Variants in BRF1 observed in about 807,000 individuals in gnomAD.
The protein encoded by BRF1 is transcription factor IIIB 90 kDa subunit.
In BRF1, 59 loss-of-function variants were observed where a neutral mutation model predicts 81.7. The ratio of observed to expected loss-of-function variants is 0.72; its 90% CI spans 0.59 to 0.90. The LOEUF (loss-of-function observed/expected upper bound fraction) is 0.90, where lower values mean the gene tolerates loss of function less well. BRF1 is among the 40% of genes least tolerant of loss of function. BRF1 has a pLI of 0.00. For missense variants in BRF1, 1,050 were observed against 936.3 expected, an observed-to-expected ratio of 1.12 and a Z score of -1.58; for synonymous variants, 491 against 395.6, an observed-to-expected ratio of 1.24 and a Z score of -2.86.
chr14:105,217,908 GC>G, intron 14 of BRF1, 108 bp from the exon 15 acceptor site: 1 of 1,506,388 alleles, frequency 6.6e-7, no homozygotes, highest in Non-Finnish European at 8.9e-7. Context: ...CCTGGCTCAG[GC>G]CCTCAGAAGG....
chr14:105,216,780 A>G (rs977514729), intron 15 of BRF1, among the ~76,000 whole-genome samples: 3 of 152,218 alleles, frequency 2.0e-5, no homozygotes, highest in Non-Finnish European at 2.9e-5. Context: ...GATCCCAAGA[A>G]GCAGTAGGAC....
intron 3 of BRF1, among the ~76,000 whole-genome samples, chr14:105,262,977 A>T (rs1248754452): frequency 6.6e-6 from 1 of 151,842 alleles, no homozygotes; most frequent in Non-Finnish European, 1.5e-5. Context: ...ACGGTGGCTC[A>T]CGCCTGTAAT....
At chr14:105,266,872 C>T (rs1456659588) in intron 3 of BRF1, among the ~76,000 whole-genome samples, 2 of 152,030 alleles carry the variant, frequency 1.3e-5, no homozygotes, top group Non-Finnish European at 1.5e-5. Flanking sequence ...AGCAAAACCC[C>T]GTCGCCACAA....
chr14:105,217,484 A>ATGG, intron 15 of BRF1, 60 bp downstream of exon 15: 1 of 1,582,730 alleles, frequency 6.3e-7, no homozygotes, highest in Non-Finnish European at 8.6e-7. Flanking sequence ...ACCCGAAGCC[A>ATGG]TGGGCCTCTG....
chr14:105,249,429 G>C, intron 5 of BRF1: 12 of 1,607,086 alleles, frequency 7.5e-6, no homozygotes, highest in Non-Finnish European at 1.0e-5. Context: ...AGTCAAATCT[G>C]AAATTCACAT....
At chr14:105,287,188 C>T (rs2057346068) in intron 1 of BRF1, among the ~76,000 whole-genome samples, 1 of 152,202 alleles carries the variant, frequency 6.6e-6, no homozygotes, top group Non-Finnish European at 1.5e-5. Context: ...TGCAGGGCTT[C>T]GGGGTTAAGA....
intron 5 of BRF1, chr14:105,248,603 C>CG: frequency 2.1e-6 from 2 of 966,806 alleles, no homozygotes; most frequent in Non-Finnish European, 2.4e-6. Flanking sequence ...GCGCCCCCCG[C>CG]GGCCGGGCCT....
chr14:105,279,125 C>T (rs1386221940), intron 2 of BRF1, among the ~76,000 whole-genome samples: 1 of 152,066 alleles, frequency 6.6e-6, no homozygotes, highest in Non-Finnish European at 1.5e-5. Context: ...GAGAGGGCGG[C>T]TTTAGTCTGG....
At position 105,309,656 on chromosome 14, in the gene BRF1, C is replaced by T. The variant is rs150756559; in HGVS notation, c.-162+5666G>A. 8.1e-3 allele frequency among the ~76,000 whole-genome samples: 1,234 copies of T among 152,190 alleles called. 22 individuals carry two copies. Among genetic ancestry groups the T allele is most frequent in the African/African-American group, 0.028 (1,158 of 41,556 alleles). On this transcript the variant is annotated intron_variant, in intron 1 of 17. Coordinates refer to the BRF1 transcript ENST00000327359. This position sits in a 1 kb window ranked among gnomAD's most constrained non-coding sequence, Gnocchi z 4.0. ...CCCCAGGTGCTGTGTGAGGGAGCTGCGCTGCCTGCGCCCAACCCAGGAGGG... is the reference window on the plus strand; with the variant it reads ...CCCCAGGTGCTGTGTGAGGGAGCTGTGCTGCCTGCGCCCAACCCAGGAGGG...
intron 1 of BRF1, among the ~76,000 whole-genome samples, chr14:105,312,924 T>C (rs2058384469): frequency 6.6e-6 from 1 of 152,196 alleles, no homozygotes; most frequent in African/African-American, 2.4e-5. Context: ...ACAGACTGTG[T>C]GGGTCATATC....
upstream of BRF1, among the ~76,000 whole-genome samples, chr14:105,304,131 C>T (rs587657550): frequency 6.6e-6 from 1 of 152,316 alleles, no homozygotes; most frequent in South Asian, 2.1e-4. Flanking sequence ...TCAGGCTGTA[C>T]AGGACAGGAT....
At chr14:105,250,577 G>A in intron 5 of BRF1, 1 of 1,614,122 alleles carries the variant, frequency 6.2e-7, no homozygotes, top group East Asian at 2.2e-5. Context: ...AGTGCAGTGT[G>A]GAAAGGTGGC....
chr14:105,290,928 C>T (rs1392511108), intron 1 of BRF1, among the ~76,000 whole-genome samples: 2 of 152,080 alleles, frequency 1.3e-5, no homozygotes, highest in East Asian at 3.8e-4. Context: ...ACACACAGGA[C>T]ACATGTGGAC....
chr14:105,241,201 A>G lies in BRF1; in HGVS notation c.694+64T>C, dbSNP rs1321530363. The G allele has an allele frequency of 1.9e-6, 3 of 1,587,734 alleles. No individual in the cohort carries two copies. In the African/African-American group the frequency reaches 4.0e-5, roughly 21 times the overall value. On this transcript the variant is annotated intron_variant, in intron 6 of 17. Coordinates refer to ENST00000547530, the MANE Select transcript of BRF1 (RefSeq NM_001519.4). ...ACGGCCCAGCCCACCAGCACTCAGG[A>G]GTCAGGAAAGTGTGAGGCCAGGACC...
At chr14:105,245,453 A>G (rs765307911) in intron 5 of BRF1, among the ~76,000 whole-genome samples, 58 of 152,236 alleles carry the variant, frequency 3.8e-4, no homozygotes, top group Non-Finnish European at 7.6e-4. Context: ...TATTTAAAGT[A>G]GGCAAAGGGA....
chr14:105,249,413 G>A (rs1275181576), intron 5 of BRF1: 3 of 1,613,562 alleles, frequency 1.9e-6, no homozygotes, highest in Non-Finnish European at 2.5e-6. Context: ...ACGGAGACCT[G>A]GCGGAAGTCA....
intron 5 of BRF1, chr14:105,247,665 G>A: frequency 1.0e-6 from 1 of 985,452 alleles, no homozygotes; most frequent in Non-Finnish European, 1.2e-6. Context: ...GATGCTGGCT[G>A]CGTCCTGTGG....
At chr14:105,257,199 T>C (rs1166277948) in intron 3 of BRF1, among the ~76,000 whole-genome samples, 3 of 152,110 alleles carry the variant, frequency 2.0e-5, no homozygotes, top group Admixed American at 6.5e-5. Flanking sequence ...ACATAAGTTA[T>C]CAAACACAAG....
chr14:105,222,026 C>T lies in BRF1; in HGVS notation c.1049-112G>A. On this transcript the variant is annotated intron_variant, in intron 10 of 17. Transcript: ENST00000547530. Reference sequence around the variant, plus strand: ...GTAACCCATAGAACGGCTGTCAGTGCACGGTGCCTGGCGGTCAGGTGCCAA... The same window carrying T: ...GTAACCCATAGAACGGCTGTCAGTGTACGGTGCCTGGCGGTCAGGTGCCAA... 2.2e-6 allele frequency: 3 copies of T among 1,362,554 alleles called. No homozygotes were observed. In the Admixed American group the frequency reaches 9.0e-5, roughly 41 times the overall value. The allele number at this position is 1,362,554 out of a possible 1,614,324, so 84.4% of individuals were successfully genotyped here. A position where few individuals can be genotyped will look rare whatever the true frequency, so the allele number is the denominator to read the frequency against.
Sources: allele counts gnomAD v4.1 joint callset (sites outside exome capture counted in the v4.1 genomes callset), GRCh38; gene constraint gnomAD v4.1.1; non-coding constraint Gnocchi (gnomAD v3.1); transcripts MANE v1.5; gene names NCBI Gene and HGNC (gene_info 2026-07-23, HGNC 2026-07-21).